Variants in RAD51D observed in about 807,000 individuals in gnomAD.
RAD51D encodes RAD51 paralog D.
Under a neutral mutation model 44.1 loss-of-function variants are expected in RAD51D, and 38 were observed. That is an observed-to-expected ratio of 0.86 (90% confidence interval 0.67 to 1.13). RAD51D has a LOEUF of 1.13. RAD51D is among the 50% of genes most tolerant of loss of function. RAD51D has a pLI of 0.00. For missense variants in RAD51D, 390 were observed against 414.0 expected (o/e 0.94, Z 0.50); for synonymous variants, 141 against 166.6 (o/e 0.85, Z 1.18).
intron 3 of RAD51D, 104 bp downstream of exon 3, chr17:35,118,397 T>TTA (rs2091773651): frequency 2.3e-6 from 2 of 858,284 alleles, no homozygotes; most frequent in South Asian, 1.5e-5. Context: ...CATTATTGGT[T>TTA]AAAAAAAAAA....
Position 35,099,660 on chromosome 17 carries a change from A to C in RAD51D, c.*1293T>G, listed in dbSNP as rs998481881. 7.9e-6 allele frequency: 3 copies of C among 380,306 alleles called. No homozygotes were observed. The highest frequency in any genetic ancestry group is 2.1e-5 in the African/African-American group (1 of 47,394). 23.6% of individuals were successfully genotyped at this position (380,306 alleles called of 1,614,324 possible). ...GTTGCATTCATCACCTCTAAATGTCATTACTTTCTGAGTGTAACTCGGACC... is the reference window on the plus strand; with the variant it reads ...GTTGCATTCATCACCTCTAAATGTCCTTACTTTCTGAGTGTAACTCGGACC... On this transcript the variant is annotated 3_prime_UTR_variant, in exon 10 of 10. Transcript: ENST00000345365.
chr17:35,097,047 G>A lies in RAD51D; in HGVS notation c.*3906C>T, dbSNP rs944162155. ...ACATTAATTTCATCTGATGTCAGAC[G>A]AAGGGCATACAATAGTCCCCTGTAA... On this transcript the variant is annotated 3_prime_UTR_variant, in exon 10 of 10. Coordinates refer to ENST00000345365, the MANE Select transcript of RAD51D (RefSeq NM_002878.4). The A allele has an allele frequency of 4.6e-5, 7 of 152,182 alleles. No individual in the cohort carries two copies. The highest frequency in any genetic ancestry group is 1.9e-4 in the East Asian group (1 of 5,180). The allele number at this position is 152,182 out of a possible 1,614,324, so 9.4% of individuals were successfully genotyped here.
chr17:35,097,924 A>C lies in RAD51D; in HGVS notation c.*3029T>G, dbSNP rs1362226547. The C allele has an allele frequency of 6.6e-6, 1 of 152,490 alleles. No homozygotes were observed. Among genetic ancestry groups the C allele is most frequent in the Non-Finnish European group, 1.5e-5 (1 of 68,180 alleles). 9.4% of individuals were successfully genotyped at this position (152,490 alleles called of 1,614,324 possible). A position where few individuals can be genotyped will look rare whatever the true frequency, so the allele number is the denominator to read the frequency against. On this transcript the variant is annotated 3_prime_UTR_variant, in exon 10 of 10. Transcript: ENST00000345365. Reference sequence around the variant, plus strand: ...AGACAGACACATAAGCAAAGGGAGCAAAAGGCACTTGGACAGGAGAGCCAG... The same window carrying C: ...AGACAGACACATAAGCAAAGGGAGCCAAAGGCACTTGGACAGGAGAGCCAG...
chr17:35,119,302 TAAC>T, intron 1 of RAD51D, 130 bp from the exon 2 acceptor site: 1 of 983,208 alleles, frequency 1.0e-6, no homozygotes, highest in Non-Finnish European at 1.6e-6. Context: ...CAGTGTGAAA[TAAC>T]AAAGCTGCAG....
At chr17:35,109,958 C>G (rs1424196144) in intron 3 of RAD51D, among the ~76,000 whole-genome samples, 1 of 125,110 alleles carries the variant, frequency 8.0e-6, no homozygotes, top group African/African-American at 3.4e-5. Context: ...TAAGCCACCA[C>G]GCCTGGCTTT....
At chr17:35,116,101 A>G (rs1009612442) in intron 3 of RAD51D, among the ~76,000 whole-genome samples, 6 of 151,424 alleles carry the variant, frequency 4.0e-5, no homozygotes, top group African/African-American at 1.5e-4. Flanking sequence ...AAGAAAGGCT[A>G]GAAACCTGGT....
intron 6 of RAD51D, chr17:35,106,025 C>G: frequency 2.2e-6 from 1 of 454,834 alleles, no homozygotes; most frequent in Non-Finnish European, 4.4e-6. Flanking sequence ...ATAGCATGGA[C>G]CTGCCAACCT....
At position 35,099,870 on chromosome 17, in the gene RAD51D, T is replaced by C. The variant is rs1481078787; in HGVS notation, c.*1083A>G. ...GCCAGGGTCATGGCTCTCAGACGGA[T>C]GGCCACAGTGCTGGTGAAAGACAGA... On this transcript the variant is annotated 3_prime_UTR_variant, in exon 10 of 10. Coordinates refer to ENST00000345365, the MANE Select transcript of RAD51D (RefSeq NM_002878.4). 1.9e-6 allele frequency: 1 copy of C among 512,940 alleles called. No homozygotes were observed. Among genetic ancestry groups the C allele is most frequent in the Non-Finnish European group, 3.8e-6 (1 of 262,500 alleles). The allele number at this position is 512,940 out of a possible 1,614,324, so 31.8% of individuals were successfully genotyped here. A position where few individuals can be genotyped will look rare whatever the true frequency, so the allele number is the denominator to read the frequency against.
chr17:35,119,061 GACTTTTT>G, intron 2 of RAD51D, 43 bp downstream of exon 2: 1 of 1,566,842 alleles, frequency 6.4e-7, no homozygotes, highest in Non-Finnish European at 8.8e-7. Flanking sequence ...GCTTGGGATG[GACTTTTT>G]AAAAAGACAC....
intron 3 of RAD51D, among the ~76,000 whole-genome samples, chr17:35,112,593 G>C (rs994828331): frequency 6.6e-6 from 1 of 152,008 alleles, no homozygotes; most frequent in African/African-American, 2.4e-5. Context: ...GGCCAGGCTG[G>C]TCTCGAACTC....
intron 6 of RAD51D, among the ~76,000 whole-genome samples, chr17:35,104,037 C>T (rs1046624351): frequency 6.6e-5 from 10 of 152,118 alleles, no homozygotes; most frequent in Non-Finnish European, 1.0e-4. Context: ...GAGATCACAC[C>T]GCTGCATTCC....
Position 35,094,782 on chromosome 17 carries a change from T to G in RAD51D, c.*6171A>C, listed in dbSNP as rs2091476902. On this transcript the variant is annotated 3_prime_UTR_variant, in exon 10 of 10. Coordinates refer to ENST00000345365, the MANE Select transcript of RAD51D (RefSeq NM_002878.4). ...TCACTGAGATCCCATTTACTGTCTA[T>G]TAAATGGAATCATTCCCTCTGCCAC... 6.6e-6 allele frequency: 1 copy of G among 152,230 alleles called. No homozygotes were observed. Among genetic ancestry groups the G allele is most frequent in the African/African-American group, 2.4e-5 (1 of 41,456 alleles). The allele number at this position is 152,230 out of a possible 1,614,324, so 9.4% of individuals were successfully genotyped here. A position where few individuals can be genotyped will look rare whatever the true frequency, so the allele number is the denominator to read the frequency against.
intron 2 of RAD51D, 39 bp from the exon 3 acceptor site, chr17:35,118,658 C>G: frequency 1.3e-6 from 2 of 1,516,538 alleles, no homozygotes; most frequent in East Asian, 2.3e-5. Flanking sequence ...ACAAATTGCC[C>G]GTAGAAGCTG....
intron 3 of RAD51D, 138 bp from the exon 4 acceptor site, chr17:35,107,585 G>C: frequency 1.3e-6 from 1 of 749,538 alleles, no homozygotes; most frequent in Non-Finnish European, 2.3e-6. Context: ...GCTTCTCCTG[G>C]TGTTTTCTTC....
intron 3 of RAD51D, among the ~76,000 whole-genome samples, chr17:35,108,329 C>T (rs978253808): frequency 5.3e-5 from 8 of 151,614 alleles, no homozygotes; most frequent in African/African-American, 1.7e-4. Flanking sequence ...GCAAAAAGTC[C>T]ATGAACCCTT....
In RAD51D at chr17:35,114,322, A is replaced by T. The variant is rs990863147; in HGVS notation, c.263+4179T>A. 1.1e-4 allele frequency among the ~76,000 whole-genome samples: 16 copies of T among 152,030 alleles called. 1 individual carries two copies. The highest frequency in any genetic ancestry group is 7.7e-4 in the East Asian group (4 of 5,164). ...TAAAATAAAATCAGGGGAGTTTTTT[A>T]AAAAATGCCTATGTCAGCAGTACCC... is the stretch of plus-strand genomic sequence containing the variant. On this transcript the variant is annotated intron_variant, in intron 3 of 9. Coordinates refer to ENST00000345365, the MANE Select transcript of RAD51D (RefSeq NM_002878.4).
chr17:35,102,939 G>T lies in RAD51D; in HGVS notation c.738+315C>A, dbSNP rs28363286. On this transcript the variant is annotated intron_variant, in intron 8 of 9. Transcript: ENST00000345365. ...CCTGGGCCTGGGGGACCTTTTGGTGGGGTCACAAGACTGGATACAACTATA... is the reference window on the plus strand; with the variant it reads ...CCTGGGCCTGGGGGACCTTTTGGTGTGGTCACAAGACTGGATACAACTATA... Among the ~76,000 whole-genome samples, 1,011 of 152,186 alleles carry T rather than the reference G, an allele frequency of 6.6e-3. 9 individuals carry two copies. Among genetic ancestry groups the T allele is most frequent in the African/African-American group, 0.022 (929 of 41,520 alleles).
rs374761868 is a variant in RAD51D, at chr17:35,103,240, G to C, written c.738+14C>G. ...ACTAGAAATCAAGTTCATTGGCCAA[G>C]CCTGCTTCCTCACCACCACTGCCAT... On this transcript the variant is annotated intron_variant, in intron 8 of 9. Coordinates refer to ENST00000345365, the MANE Select transcript of RAD51D (RefSeq NM_002878.4). The surrounding 1 kb of genome is among the most constrained non-coding windows in gnomAD (Gnocchi z 4.1). The C allele has an allele frequency of 3.1e-6, 5 of 1,602,886 alleles. No homozygotes were observed. In the African/African-American group the frequency reaches 6.7e-5, roughly 21 times the overall value.
chr17:35,110,031 A>G (rs555919498), intron 3 of RAD51D, among the ~76,000 whole-genome samples: 1 of 142,626 alleles, frequency 7.0e-6, no homozygotes, highest in African/African-American at 2.7e-5. Context: ...ATTCAGTGGC[A>G]TGGTCACAGC....
Sources: allele counts gnomAD v4.1 joint callset (sites outside exome capture counted in the v4.1 genomes callset), GRCh38; gene constraint gnomAD v4.1.1; non-coding constraint Gnocchi (gnomAD v3.1); transcripts MANE v1.5; gene names NCBI Gene and HGNC (gene_info 2026-07-23, HGNC 2026-07-21).